The following S100A8 variants were observed in gnomAD, a reference collection of about 807,000 sequenced individuals.
S100A8 encodes the protein S100 calcium binding protein A8, also known as protein S100-A8.
Under a neutral mutation model 4.2 loss-of-function variants are expected in S100A8, and 1 was observed. That is an observed-to-expected ratio of 0.24 (90% CI 0.08 to 1.12). The LOEUF (loss-of-function observed/expected upper bound fraction) is 1.12. S100A8 is among the 50% of genes most tolerant of loss of function. The pLI is 0.53. For missense variants in S100A8, 96 were observed against 111.8 expected (o/e 0.86, Z 0.64); for synonymous variants, 41 against 44.7 (o/e 0.92, Z 0.33).
At chr1:153,412,787 T>C in the S100A8 span, among the ~76,000 whole-genome samples, 4 of 152,148 alleles carry the variant, frequency 2.6e-5, no homozygotes, top group Admixed American at 6.6e-5. Flanking sequence ...ATATACACCA[T>C]GGAATACTAT....
chr1:153,406,445 C>T, the S100A8 span, among the ~76,000 whole-genome samples: 2 of 152,072 alleles, frequency 1.3e-5, no homozygotes, highest in African/African-American at 2.4e-5. Flanking sequence ...TCTCACCACC[C>T]AGTGCCTTAT....
upstream of S100A8, among the ~76,000 whole-genome samples, chr1:153,394,901 C>T (rs779625411): frequency 1.6e-4 from 24 of 152,162 alleles, no homozygotes; most frequent in Non-Finnish European, 3.5e-4. Context: ...TTTCAAAATC[C>T]ATGATTTCTA....
In S100A8 at chr1:153,390,150, C is replaced by T; in HGVS notation, c.235G>A (p.Gly79Ser). Residue 79 changes from glycine to serine, a missense_variant, in exon 3 of 3, where the codon GGC (glycine) becomes AGC (serine). Transcript: ENST00000368733. ...QEFLILVIKM[G>S]VAAHKKSHEE... ...TGGCTTTTTTTGTGGGCTGCCACGC[C>T]CATCTTTATCACCAGAATGAGGAAC... 2 of 1,614,086 alleles carry T rather than the reference C, an allele frequency of 1.2e-6. No individual in the cohort carries two copies. The highest frequency in any genetic ancestry group is 1.7e-6 in the Non-Finnish European group (2 of 1,179,976).
At chr1:153,400,539 T>C in the S100A8 span, among the ~76,000 whole-genome samples, 1 of 152,100 alleles carries the variant, frequency 6.6e-6, no homozygotes, top group East Asian at 1.9e-4. Context: ...CATCTATGCA[T>C]CTCTGAAGGC....
At chr1:153,398,579 C>T in the S100A8 span, among the ~76,000 whole-genome samples, 5 of 152,150 alleles carry the variant, frequency 3.3e-5, no homozygotes, top group African/African-American at 1.2e-4. Flanking sequence ...TGCTCTGATG[C>T]CTGTGACCTC....
upstream of S100A8, among the ~76,000 whole-genome samples, chr1:153,392,432 C>G (rs1662121584): frequency 1.3e-5 from 2 of 152,128 alleles, no homozygotes; most frequent in Non-Finnish European, 2.9e-5. Flanking sequence ...AAGTTTGTTC[C>G]TCAAATAAAT....
the S100A8 span, among the ~76,000 whole-genome samples, chr1:153,400,372 C>A: frequency 6.6e-6 from 1 of 152,196 alleles, no homozygotes; most frequent in South Asian, 2.1e-4. Flanking sequence ...GTGGGGTCCC[C>A]TCTGCCAACT....
At chr1:153,402,395 G>A in the S100A8 span, among the ~76,000 whole-genome samples, 5 of 152,244 alleles carry the variant, frequency 3.3e-5, no homozygotes, top group Admixed American at 6.5e-5. Context: ...CCGAATAACA[G>A]GAAATCCAAC....
the S100A8 span, chr1:153,396,496 C>G: frequency 2.0e-5 from 3 of 152,880 alleles, no homozygotes; most frequent in Non-Finnish European, 2.9e-5. Flanking sequence ...CACACACAGA[C>G]ACACACAGCT....
upstream of S100A8, among the ~76,000 whole-genome samples, chr1:153,394,698 G>A (rs569479882): frequency 2.3e-4 from 35 of 152,298 alleles, no homozygotes; most frequent in African/African-American, 7.5e-4. Context: ...GGGAGGGACA[G>A]CAGGCCAGGC....
At chr1:153,410,675 A>G in the S100A8 span, among the ~76,000 whole-genome samples, 4 of 151,316 alleles carry the variant, frequency 2.6e-5, no homozygotes, top group Non-Finnish European at 5.9e-5. Flanking sequence ...GAGACACAAC[A>G]AAAAAAAAGA....
upstream of S100A8, among the ~76,000 whole-genome samples, chr1:153,393,397 T>A (rs886139103): frequency 6.6e-6 from 1 of 152,260 alleles, no homozygotes; most frequent in African/African-American, 2.4e-5. Context: ...AAATCACATT[T>A]CTTTTCACAA....
chr1:153,413,851 A>G, the S100A8 span, among the ~76,000 whole-genome samples: 1 of 152,202 alleles, frequency 6.6e-6, no homozygotes, highest in Non-Finnish European at 1.5e-5. Context: ...CAGCGAGCCA[A>G]GATGACACCA....
upstream of S100A8, among the ~76,000 whole-genome samples, chr1:153,391,924 G>A (rs1336579226): frequency 9.2e-5 from 14 of 152,308 alleles, no homozygotes; most frequent in East Asian, 2.7e-3. Flanking sequence ...GGAGAAGCCA[G>A]ACGCGCTTCA....
the S100A8 span, chr1:153,418,335 C>A: frequency 1.4e-6 from 2 of 1,437,492 alleles, no homozygotes; most frequent in African/African-American, 1.4e-5. Context: ...AAAAGTTTCC[C>A]ATTTGCAAAT....
chr1:153,394,635 G>T (rs1176773954), upstream of S100A8, among the ~76,000 whole-genome samples: 1 of 152,172 alleles, frequency 6.6e-6, no homozygotes, highest in Non-Finnish European at 1.5e-5. Flanking sequence ...ATCTCCCAAG[G>T]AATGGAGGGC....
upstream of S100A8, among the ~76,000 whole-genome samples, chr1:153,391,983 G>C (rs1201392338): frequency 2.0e-5 from 3 of 152,094 alleles, no homozygotes; most frequent in Non-Finnish European, 4.4e-5. Context: ...ATTTCAGGAG[G>C]AACAAATCCT....
At chr1:153,418,183 C>T in the S100A8 span, 28 of 1,613,892 alleles carry the variant, frequency 1.7e-5, no homozygotes, top group South Asian at 4.4e-5. Flanking sequence ...AGCCTGCTGA[C>T]GATGATGAAG....
At chr1:153,398,215 C>G in the S100A8 span, among the ~76,000 whole-genome samples, 1 of 152,130 alleles carries the variant, frequency 6.6e-6, no homozygotes, top group African/African-American at 2.4e-5. Context: ...TTGCAGGCCC[C>G]AAGGAGCCCA....
Sources: allele counts gnomAD v4.1 joint callset (sites outside exome capture counted in the v4.1 genomes callset), GRCh38; gene constraint gnomAD v4.1.1; transcripts MANE v1.5; gene names NCBI Gene and HGNC (gene_info 2026-07-23, HGNC 2026-07-21).